Variants in DNAH10 observed in about 807,000 individuals in gnomAD.
DNAH10 encodes axonemal beta dynein heavy chain 10.
A neutral mutation model predicts 506.6 loss-of-function variants in DNAH10; 348 were observed. That is an observed-to-expected ratio of 0.69 (90% CI 0.63 to 0.75). The LOEUF is 0.75. DNAH10 is among the 30% of genes least tolerant of loss of function. DNAH10 has a pLI of 0.00. For missense variants in DNAH10, 5,179 were observed against 5,787.1 expected (o/e 0.89, Z 3.41); for synonymous variants, 2,059 against 2,198.6 (o/e 0.94, Z 1.78).
intron 2 of DNAH10, among the ~76,000 whole-genome samples, chr12:123,770,256 TTTTTTTTTAAAA>T (rs1566313770): frequency 1.0e-5 from 1 of 96,888 alleles, no homozygotes; most frequent in East Asian, 4.6e-4. Context: ...CAAAAAAAAA[TTTTTTTTTAAAA>T]TTTTTTTTGT....
intron 24 of DNAH10, among the ~76,000 whole-genome samples, chr12:123,822,708 T>C (rs1959546291): frequency 6.6e-6 from 1 of 152,224 alleles, no homozygotes; most frequent in Non-Finnish European, 1.5e-5. Context: ...TCCCATGGTC[T>C]GCAGTTGGCA....
chr12:123,762,654 G>T lies in DNAH10; in HGVS notation c.214+104G>T. 2 of 1,254,114 alleles carry T rather than the reference G, an allele frequency of 1.6e-6. No homozygotes were observed. The highest frequency in any genetic ancestry group is 2.2e-6 in the Non-Finnish European group (2 of 928,656). The allele number at this position is 1,254,114 out of a possible 1,614,324, so 77.7% of individuals were successfully genotyped here. A position where few individuals can be genotyped will look rare whatever the true frequency, so the allele number is the denominator to read the frequency against. ...TAGAGCCTGCCCATCGTCCGGCCCCGGCCTCAGGTGCTGTCCACAAACGCT... is the reference window on the plus strand; with the variant it reads ...TAGAGCCTGCCCATCGTCCGGCCCCTGCCTCAGGTGCTGTCCACAAACGCT... On this transcript the variant is annotated intron_variant, in intron 1 of 78. Transcript: ENST00000673944. This position sits in a 1 kb window ranked among gnomAD's most constrained non-coding sequence, Gnocchi z 5.0.
Position 123,801,395 on chromosome 12 carries a change from T to C in DNAH10, c.2577T>C (p.Phe859=). The C allele has an allele frequency of 6.2e-7, 1 of 1,614,192 alleles. No individual in the cohort carries two copies. Among genetic ancestry groups the C allele is most frequent in the Non-Finnish European group, 8.5e-7 (1 of 1,180,036 alleles). ...KDHSQELLRV[F]RSGYKRLNWN... ...ATTCCCAGGAACTGCTCCGAGTGTT[T>C]AGGTCGGGATATAAGAGGTTGAACT... Residue 859 remains phenylalanine, a synonymous_variant, in exon 16 of 79, where the codon TTT becomes TTC. Coordinates refer to ENST00000673944, the MANE Select transcript of DNAH10 (RefSeq NM_001372106.1).
At chr12:123,797,254 G>A (rs116895962) in intron 13 of DNAH10, among the ~76,000 whole-genome samples, 3 of 152,366 alleles carry the variant, frequency 2.0e-5, no homozygotes, top group Non-Finnish European at 4.4e-5. Context: ...CTGCCGCCAT[G>A]CAGCACGCTA....
At position 123,762,440 on chromosome 12, in the gene DNAH10, A is replaced by G. The variant is rs1956859672; in HGVS notation, c.104A>G (p.Gln35Arg). 5.5e-6 allele frequency: 8 copies of G among 1,445,408 alleles called. No individual in the cohort carries two copies. The Admixed American group carries it at 7.9e-5, about 14-fold the overall frequency. The allele number at this position is 1,445,408 out of a possible 1,614,324, so 89.5% of individuals were successfully genotyped here. The change falls in exon 1 of 79, where the codon CAG becomes CGG. Residue 35 changes from glutamine (Q) to arginine (R), a missense_variant. By Grantham distance (43) the Gln-to-Arg change is conservative. Coordinates refer to ENST00000673944, the MANE Select transcript of DNAH10 (RefSeq NM_001372106.1). The surrounding 1 kb of genome is among the most constrained non-coding windows in gnomAD (Gnocchi z 5.0). ...GACCTGCTCAACCGCGACGACGGCC[A>G]GGGCGAGGACCTCATCTTGCACTTC... ...FEDLLNRDDGQGEDLILHFLN... is the reference protein window; with the variant it reads ...FEDLLNRDDGRGEDLILHFLN...
intron 47 of DNAH10, 94 bp downstream of exon 47, chr12:123,875,585 T>G (rs1952223256): frequency 6.8e-7 from 1 of 1,474,024 alleles, no homozygotes; most frequent in Non-Finnish European, 9.2e-7. Context: ...CACAGCAGGG[T>G]TAGGGCCCTC....
At chr12:123,822,684 T>C (rs1002535107) in intron 24 of DNAH10, among the ~76,000 whole-genome samples, 1 of 152,192 alleles carries the variant, frequency 6.6e-6, no homozygotes, top group Non-Finnish European at 1.5e-5. Context: ...CCTGTGATTA[T>C]GGAGGCTGAG....
At position 123,926,830 on chromosome 12, in the gene DNAH10, G is replaced by A; in HGVS notation, c.12105+10G>A. On this transcript the variant is annotated intron_variant, in intron 69 of 78. Coordinates refer to ENST00000673944, the MANE Select transcript of DNAH10 (RefSeq NM_001372106.1). This position sits in a 1 kb window ranked among gnomAD's most constrained non-coding sequence, Gnocchi z 4.1. ...TCAAGGTCAAGAAAAGGTAATTTGT[G>A]GCTGAAAGGAACAAGCTCTACGTTT... The A allele has an allele frequency of 6.2e-7, 1 of 1,613,392 alleles. No individual in the cohort carries two copies. Among genetic ancestry groups the A allele is most frequent in the Non-Finnish European group, 8.5e-7 (1 of 1,179,786 alleles).
chr12:123,837,954 A>G (rs1275520536), intron 28 of DNAH10, among the ~76,000 whole-genome samples: 1 of 152,186 alleles, frequency 6.6e-6, no homozygotes, highest in Non-Finnish European at 1.5e-5. Context: ...ATTTCAATAA[A>G]TAAACATTGA....
intron 5 of DNAH10, among the ~76,000 whole-genome samples, chr12:123,775,633 A>G (rs977186104): frequency 2.0e-5 from 3 of 152,206 alleles, no homozygotes; most frequent in African/African-American, 4.8e-5. Flanking sequence ...AGCTTGGCCC[A>G]GTAGCAGGAG....
chr12:123,813,835 A>C lies in DNAH10; in HGVS notation c.3703A>C (p.Ser1235Arg). The change falls in exon 21 of 79, where the codon AGT (serine) becomes CGT (arginine). Residue 1235 changes from serine to arginine, a missense_variant. This residue lies in a region of DNAH10 where 4,844 missense variants were observed against 5,430.5 expected (regional missense o/e 0.89). Transcript: ENST00000673944. ...FVLATIAEIR[S>R]KSLVMELRYR... ...CCTTGCAACAATTGCAGAAATTAGAAGTAAATCTCTAGTCATGGAACTCAG... is the reference window on the plus strand; with the variant it reads ...CCTTGCAACAATTGCAGAAATTAGACGTAAATCTCTAGTCATGGAACTCAG... 6.2e-7 allele frequency: 1 copy of C among 1,613,578 alleles called. No homozygotes were observed. The highest frequency in any genetic ancestry group is 1.1e-5 in the South Asian group (1 of 90,894).
Position 123,918,920 on chromosome 12 carries a change from C to T in DNAH10, c.11477C>T (p.Thr3826Ile), listed in dbSNP as rs749665599. ...KRLRNIMDTLTFSIYNHGCTG... is the reference protein window; with the variant it reads ...KRLRNIMDTLIFSIYNHGCTG... ...CTGAGGAACATCATGGACACGCTGA[C>T]CTTCAGCATCTATAACCACGGCTGC... The change falls in exon 65 of 79, where the codon ACC (threonine) becomes ATC (isoleucine). Residue 3826 changes from threonine (T) to isoleucine (I), a missense_variant. Transcript: ENST00000673944. The T allele has an allele frequency of 1.9e-6, 3 of 1,613,424 alleles. No individual in the cohort carries two copies. Among genetic ancestry groups the T allele is most frequent in the Admixed American group, 3.3e-5 (2 of 60,010 alleles).
intron 19 of DNAH10, among the ~76,000 whole-genome samples, chr12:123,809,663 C>CAACA (rs1335042644): frequency 2.4e-4 from 36 of 152,070 alleles, no homozygotes; most frequent in Non-Finnish European, 2.1e-4. Context: ...ACAACAACAA[C>CAACA]AACAACAACA....
intron 5 of DNAH10, among the ~76,000 whole-genome samples, chr12:123,778,695 C>CA (rs1232497421): frequency 8.5e-4 from 116 of 136,624 alleles, no homozygotes; most frequent in East Asian, 1.7e-3. Context: ...GACTCCATCT[C>CA]AAAAAAAAAA....
rs1243840680 is a variant in DNAH10 at position 123,830,648 on chromosome 12, T to G, written c.4494T>G (p.Asp1498Glu). 6 of 1,613,668 alleles carry G rather than the reference T, an allele frequency of 3.7e-6. No individual in the cohort carries two copies. Among genetic ancestry groups the G allele is most frequent in the Non-Finnish European group, 4.2e-6 (5 of 1,179,806 alleles). ...CTATGGAACTGCACAAACACACAGA[T>G]GTTCTCAATGAGATTGTCACAGCAG... ...MFAMELHKHTDVLNEIVTAAI... is the reference protein window; with the variant it reads ...MFAMELHKHTEVLNEIVTAAI... The change falls in exon 26 of 79, where the codon GAT becomes GAG. Residue 1498 changes from aspartate to glutamate, a missense_variant. Asp to Glu is a conservative substitution (Grantham distance 45). Around this residue, in one of 3 missense-constraint regions of DNAH10, gnomAD observed 4,844 missense variants for 5,430.5 expected, o/e 0.89. Coordinates refer to ENST00000673944, the MANE Select transcript of DNAH10 (RefSeq NM_001372106.1).
chr12:123,781,013 G>A (rs991452607), intron 5 of DNAH10, 67 bp from the exon 6 acceptor site: 1 of 1,226,088 alleles, frequency 8.2e-7, no homozygotes, highest in Non-Finnish European at 1.1e-6. Flanking sequence ...AAAACCAGAG[G>A]CAATTTGAAT....
Position 123,923,781 on chromosome 12 carries a change from A to G in DNAH10, c.11525A>G (p.Lys3842Arg), listed in dbSNP as rs769339020. 4.3e-6 allele frequency: 7 copies of G among 1,611,382 alleles called. No homozygotes were observed. The East Asian group carries it at 8.9e-5, about 21-fold the overall frequency. Residue 3842 changes from lysine to arginine, a missense_variant, in exon 66 of 79, where the codon AAG (lysine) becomes AGG (arginine). Around this residue, in one of 3 missense-constraint regions of DNAH10, gnomAD observed 4,844 missense variants for 5,430.5 expected, o/e 0.89. Transcript: ENST00000673944. ...CCTCCAGGGCTGTTTGAGAGGCACA[A>G]GCTACTCTTTTCTTTTAATATGACC... ...HGCTGLFERH[K>R]LLFSFNMTIK...
intron 21 of DNAH10, among the ~76,000 whole-genome samples, chr12:123,815,856 G>A (rs2136379884): frequency 6.6e-6 from 1 of 152,310 alleles, no homozygotes; most frequent in Middle Eastern, 3.4e-3. Flanking sequence ...TGTCCAGCAT[G>A]TACTGTACTG....
At chr12:123,812,735 G>A (rs1565935653) in intron 19 of DNAH10, among the ~76,000 whole-genome samples, 1 of 152,146 alleles carries the variant, frequency 6.6e-6, no homozygotes, top group Non-Finnish European at 1.5e-5. Flanking sequence ...TCTGGTCTTG[G>A]CTGGGCTCAC....
Sources: gnomAD v4.1 joint callset for allele counts (sites outside exome capture counted in the v4.1 genomes callset) on GRCh38, gnomAD v4.1.1 for gene constraint, gnomAD v4.1.1 regional missense constraint, Gnocchi (gnomAD v3.1) non-coding constraint, MANE v1.5 for transcripts, NCBI Gene and HGNC (gene_info 2026-07-23, HGNC 2026-07-21) for gene names.